PCDHA9: variants seen among roughly 807,000 people sequenced by gnomAD.
PCDHA9 encodes the protein protocadherin alpha-9.
PCDHA9 carries 62 observed loss-of-function variants against 62.0 expected under a neutral mutation model. The observed-to-expected ratio is 1.00, with a 90% CI of 0.81 to 1.23. PCDHA9 has a LOEUF of 1.23. Ranked by LOEUF, PCDHA9 falls within the 50% of genes most tolerant of loss-of-function variation. PCDHA9 has a pLI of 0.00. For synonymous variants in PCDHA9, 557 were observed against 567.6 expected (o/e 0.98, Z 0.27); for missense variants, 1,205 against 1,249.8 (o/e 0.96, Z 0.54).
intron 1 of PCDHA9, chr5:140,968,106 C>A: frequency 6.2e-7 from 1 of 1,614,134 alleles, no homozygotes; most frequent in Non-Finnish European, 8.5e-7. Flanking sequence ...GGGGGAATAC[C>A]GCAGCTCACA....
rs185233104 is a variant in PCDHA9, at chr5:140,979,751, C to T, written c.2453+744C>T. 6.6e-5 allele frequency among the ~76,000 whole-genome samples: 10 copies of T among 152,136 alleles called. No individual in the cohort carries two copies. The South Asian group carries it at 1.2e-3, about 19-fold the overall frequency. On this transcript the variant is annotated intron_variant, in intron 2 of 3. Coordinates refer to ENST00000532602, the MANE Select transcript of PCDHA9 (RefSeq NM_031857.2). ...GGCCAAATAAAAGATTCATTATTTG[C>T]GAATGTCTTTGGAAACCAAATGGGA...
At chr5:140,901,405 G>A (rs1366026091) in intron 1 of PCDHA9, among the ~76,000 whole-genome samples, 1 of 152,128 alleles carries the variant, frequency 6.6e-6, no homozygotes, top group Non-Finnish European at 1.5e-5. Flanking sequence ...TGAGAGATAG[G>A]GGTCTAGTTT....
intron 1 of PCDHA9, chr5:140,966,538 C>G: frequency 2.2e-6 from 1 of 463,262 alleles, no homozygotes; most frequent in Non-Finnish European, 3.7e-6. Flanking sequence ...GGTTGAGCGA[C>G]TCGGAGGCGA....
At chr5:140,935,004 T>C (rs574626430) in intron 1 of PCDHA9, among the ~76,000 whole-genome samples, 1 of 152,340 alleles carries the variant, frequency 6.6e-6, no homozygotes, top group African/African-American at 2.4e-5. Flanking sequence ...ATCCTTTTCA[T>C]GTGAGTCTTA....
intron 1 of PCDHA9, among the ~76,000 whole-genome samples, chr5:140,905,387 G>T (rs1554192032): frequency 1.3e-5 from 2 of 152,138 alleles, no homozygotes; most frequent in African/African-American, 4.8e-5. Context: ...TGTTTCATAG[G>T]TCTGTGTGCC....
chr5:140,883,162 C>T, intron 1 of PCDHA9: 2 of 1,613,808 alleles, frequency 1.2e-6, no homozygotes, highest in Non-Finnish European at 1.7e-6. Flanking sequence ...TAAATCCGAA[C>T]AATGGAGAAA....
intron 3 of PCDHA9, among the ~76,000 whole-genome samples, chr5:140,990,782 C>T (rs1460964532): frequency 2.0e-5 from 3 of 152,120 alleles, no homozygotes; most frequent in Non-Finnish European, 1.5e-5. Context: ...CTGTGTTGGA[C>T]GATGAACCAT....
intron 1 of PCDHA9, among the ~76,000 whole-genome samples, chr5:140,899,481 G>T (rs2153464125): frequency 6.6e-6 from 1 of 152,230 alleles, no homozygotes; most frequent in East Asian, 1.9e-4. Flanking sequence ...CTGTTTATAT[G>T]CTGGATTACA....
intron 3 of PCDHA9, among the ~76,000 whole-genome samples, chr5:141,000,421 ATTTT>A (rs34755515): frequency 0.018 from 509 of 27,798 alleles, 2 homozygotes; most frequent in African/African-American, 0.027. Context: ...ATATATATAT[ATTTT>A]TTTTTTTTTT....
intron 1 of PCDHA9, among the ~76,000 whole-genome samples, chr5:140,900,019 A>T (rs1164566696): frequency 1.3e-5 from 2 of 151,964 alleles, no homozygotes; most frequent in African/African-American, 4.8e-5. Flanking sequence ...TTTGTTACCC[A>T]GTTTGGCCTT....
Position 140,985,739 on chromosome 5 carries a change from C to CTT in PCDHA9, c.2542+3195_2542+3196dup, listed in dbSNP as rs11372071. 6.5e-3 allele frequency among the ~76,000 whole-genome samples: 761 copies of CTT among 117,902 alleles called. 21 individuals carry two copies. The highest frequency in any genetic ancestry group is 0.054 in the East Asian group (218 of 4,012). The allele number at this position is 117,902 out of a possible 152,430, so 77.3% of individuals were successfully genotyped here. On this transcript the variant is annotated intron_variant, in intron 3 of 3. Transcript: ENST00000532602. ...TTATTTTTCCTTCACTGATGAATTC[C>CTT]TTTTTTTTTTTTTTTTTTTTGAGAC...
chr5:140,968,935 C>T, intron 1 of PCDHA9: 1 of 1,614,172 alleles, frequency 6.2e-7, no homozygotes, highest in Non-Finnish European at 8.5e-7. Context: ...TTTTGACAAT[C>T]ATCATTTTGA....
intron 3 of PCDHA9, among the ~76,000 whole-genome samples, chr5:141,001,099 C>A (rs1554258004): frequency 6.6e-6 from 1 of 151,694 alleles, no homozygotes; most frequent in African/African-American, 2.4e-5. Context: ...CTGTCTAATC[C>A]ATAATAAGCA....
chr5:140,892,941 A>G (rs1554185454), intron 1 of PCDHA9, among the ~76,000 whole-genome samples: 1 of 152,178 alleles, frequency 6.6e-6, no homozygotes, highest in African/African-American at 2.4e-5. Context: ...GATAAGCACA[A>G]TACTACTTCC....
At chr5:140,967,315 G>A (rs1554229427) in intron 1 of PCDHA9, 1 of 1,610,854 alleles carries the variant, frequency 6.2e-7, no homozygotes, top group African/African-American at 1.3e-5. Context: ...ACTCAGTACA[G>A]ACCTACGAGC....
intron 3 of PCDHA9, among the ~76,000 whole-genome samples, chr5:140,987,224 A>T (rs28567024): frequency 4.6e-5 from 7 of 152,044 alleles, no homozygotes; most frequent in East Asian, 1.9e-4. Context: ...AAAAAAAAAA[A>T]AAATAATAAA....
chr5:140,860,977 T>A (rs1314844613), intron 1 of PCDHA9: 1 of 152,212 alleles, frequency 6.6e-6, no homozygotes, highest in African/African-American at 2.4e-5. Flanking sequence ...GACCTCGTGA[T>A]CCACCGGCCT....
rs1281739668 is a variant in PCDHA9, at chr5:140,966,815, C to T, written c.2395-12134C>T. On this transcript the variant is annotated intron_variant, in intron 1 of 3. Transcript: ENST00000532602. The stretch of plus-strand genomic sequence containing the variant: ...TGCGGCGACAGAGCATCCACGGCTC[C>T]GGCGGCCCATGCCCTGGCTGCTGCT... 1.9e-6 allele frequency: 3 copies of T among 1,552,884 alleles called. No individual in the cohort carries two copies. The highest frequency in any genetic ancestry group is 1.7e-6 in the Non-Finnish European group (2 of 1,153,182).
In PCDHA9 at chr5:140,858,604, A is replaced by T. The variant is rs547814145; in HGVS notation, c.2394+7715A>T. 1.3e-3 allele frequency: 1,648 copies of T among 1,276,538 alleles called. 106 individuals carry two copies. The South Asian group carries it at 0.023, about 18-fold the overall frequency. 79.1% of individuals were successfully genotyped at this position (1,276,538 alleles called of 1,614,324 possible). ...TATAATTTATTCCAGGAGTTTTAAA[A>T]TTTTTTTATCCTACCCAGTGTGTCA... On this transcript the variant is annotated intron_variant, in intron 1 of 3. Transcript: ENST00000532602.
Sources: gnomAD v4.1 joint callset for allele counts (sites outside exome capture counted in the v4.1 genomes callset) on GRCh38, gnomAD v4.1.1 for gene constraint, MANE v1.5 for transcripts, NCBI Gene and HGNC (gene_info 2026-07-23, HGNC 2026-07-21) for gene names.